Variants in PTPN4 observed in about 807,000 individuals in gnomAD.
PTPN4 encodes protein tyrosine phosphatase non-receptor type 4.
A neutral mutation model predicts 135.5 loss-of-function variants in PTPN4; 49 were observed. That is an observed-to-expected ratio of 0.36 (90% CI 0.29 to 0.46). The LOEUF (loss-of-function observed/expected upper bound fraction) is 0.46. Ranked by LOEUF, PTPN4 falls within the 20% of genes least tolerant of loss-of-function variation. PTPN4 has a pLI of 1.00. For synonymous variants in PTPN4, 333 were observed against 369.9 expected (o/e 0.90, Z 1.14); for missense variants, 860 against 1,101.0 (o/e 0.78, Z 3.10).
rs989973019 is a variant in PTPN4, at chr2:119,877,188, A to G, written c.247-135A>G. The G allele has an allele frequency of 6.3e-6, 5 of 789,688 alleles. No homozygotes were observed. The Admixed American group carries it at 9.8e-5, about 16-fold the overall frequency. The allele number at this position is 789,688 out of a possible 1,614,324, so 48.9% of individuals were successfully genotyped here. The stretch of plus-strand genomic sequence containing the variant: ...TATGAAAAATATTGTCTGTAATGCA[A>G]TGATTTTTTTCCTACCTGGGCCTTT... On this transcript the variant is annotated intron_variant, in intron 3 of 26. Transcript: ENST00000263708.
Position 119,862,516 on chromosome 2 carries a change from A to G in PTPN4, c.139-20A>G. On this transcript the variant is annotated intron_variant, in intron 2 of 26. Transcript: ENST00000263708. ...AACCTATCAAAGTTGATTTCATTCA[A>G]TTTTTTTTTTTTTTTACAGAAACAT... 3 of 1,357,682 alleles carry G rather than the reference A, an allele frequency of 2.2e-6. No homozygotes were observed. Among genetic ancestry groups the G allele is most frequent in the South Asian group, 2.6e-5 (2 of 77,910 alleles). 84.1% of individuals were successfully genotyped at this position (1,357,682 alleles called of 1,614,324 possible). A position where few individuals can be genotyped will look rare whatever the true frequency, so the allele number is the denominator to read the frequency against.
chr2:119,767,959 A>G (rs1250755435), intron 1 of PTPN4, among the ~76,000 whole-genome samples: 1 of 152,202 alleles, frequency 6.6e-6, no homozygotes, highest in Non-Finnish European at 1.5e-5. Flanking sequence ...ATAGAGCTGA[A>G]GGCTGTAACC....
At chr2:119,826,769 T>A (rs1231345921) in intron 2 of PTPN4, among the ~76,000 whole-genome samples, 2 of 152,234 alleles carry the variant, frequency 1.3e-5, no homozygotes, top group African/African-American at 2.4e-5. Context: ...CTCACGCTTG[T>A]AATCCCAGTG....
intron 25 of PTPN4, among the ~76,000 whole-genome samples, chr2:119,966,602 A>G (rs760396375): frequency 2.8e-4 from 42 of 152,190 alleles, no homozygotes; most frequent in Non-Finnish European, 5.7e-4. Context: ...AAGTTTTAAC[A>G]TAGGAATTTT....
chr2:119,769,165 A>G (rs1439671605), intron 1 of PTPN4, among the ~76,000 whole-genome samples: 1 of 152,234 alleles, frequency 6.6e-6, no homozygotes, highest in Admixed American at 6.5e-5. Context: ...TCAAGAAGCC[A>G]GTGAAGAAGA....
At chr2:119,962,797 TGAAAG>T (rs1679388179) in intron 24 of PTPN4, 53 bp downstream of exon 24, 5 of 1,319,140 alleles carry the variant, frequency 3.8e-6, no homozygotes. Flanking sequence ...GGGTAAAGAC[TGAAAG>T]CTGAAAATGT....
chr2:119,861,547 A>G (rs1252730483), intron 2 of PTPN4, among the ~76,000 whole-genome samples: 1 of 152,194 alleles, frequency 6.6e-6, no homozygotes, highest in African/African-American at 2.4e-5. Context: ...AGTAGTTGAT[A>G]TTGTTATTGC....
At chr2:119,864,305 G>C in intron 3 of PTPN4, among the ~76,000 whole-genome samples, 1 of 152,076 alleles carries the variant, frequency 6.6e-6, no homozygotes, top group East Asian at 1.9e-4. Flanking sequence ...TGTGACTGCT[G>C]TTACTTTTTA....
intron 1 of PTPN4, among the ~76,000 whole-genome samples, chr2:119,776,527 T>C (rs1240290335): frequency 1.3e-5 from 2 of 152,306 alleles, no homozygotes; most frequent in African/African-American, 4.8e-5. Context: ...GAAATTACTA[T>C]GTATTTCTGT....
chr2:119,948,700 A>T (rs538991938), intron 18 of PTPN4, among the ~76,000 whole-genome samples: 1 of 152,316 alleles, frequency 6.6e-6, no homozygotes, highest in Admixed American at 6.5e-5. Flanking sequence ...AGTTGGGGAA[A>T]CAAGTTATAT....
chr2:119,760,857 A>C (rs1394280130), intron 1 of PTPN4, among the ~76,000 whole-genome samples: 1 of 124,322 alleles, frequency 8.0e-6, no homozygotes, highest in Non-Finnish European at 1.6e-5. Flanking sequence ...GTATTTGGGA[A>C]TCTGTAGTTG....
At chr2:119,932,860 G>C (rs1294165858) in intron 14 of PTPN4, among the ~76,000 whole-genome samples, 3 of 152,100 alleles carry the variant, frequency 2.0e-5, no homozygotes, top group Non-Finnish European at 4.4e-5. Flanking sequence ...ATCTTGTATG[G>C]TTGTTGTTGA....
intron 3 of PTPN4, among the ~76,000 whole-genome samples, chr2:119,864,021 G>A (rs1677796563): frequency 6.6e-6 from 1 of 152,118 alleles, no homozygotes; most frequent in African/African-American, 2.4e-5. Flanking sequence ...CTCAGCCCAG[G>A]ATACACTTGC....
intron 9 of PTPN4, among the ~76,000 whole-genome samples, chr2:119,895,873 C>T (rs960103716): frequency 1.6e-4 from 24 of 150,532 alleles, no homozygotes; most frequent in Non-Finnish European, 2.7e-4. Context: ...GCCGAGATGG[C>T]GCCACTGCAC....
chr2:119,845,337 AC>A (rs1159287282), intron 2 of PTPN4, among the ~76,000 whole-genome samples: 1 of 151,416 alleles, frequency 6.6e-6, no homozygotes, highest in Non-Finnish European at 1.5e-5. Flanking sequence ...CTTTAAATTC[AC>A]CAGGGAAACC....
At chr2:119,862,460 A>C (rs892432145) in intron 2 of PTPN4, 76 bp from the exon 3 acceptor site, 10 of 1,380,720 alleles carry the variant, frequency 7.2e-6, no homozygotes, top group Non-Finnish European at 9.0e-6. Context: ...TGAGGACAAA[A>C]GTCAACCAGG....
chr2:119,845,186 G>A (rs899698035), intron 2 of PTPN4, among the ~76,000 whole-genome samples: 3 of 141,652 alleles, frequency 2.1e-5, no homozygotes, highest in Admixed American at 7.1e-5. Context: ...AGCCGAGATG[G>A]CAGCAGTACA....
At chr2:119,846,255 T>C (rs1677497295) in intron 2 of PTPN4, among the ~76,000 whole-genome samples, 1 of 152,218 alleles carries the variant, frequency 6.6e-6, no homozygotes, top group African/African-American at 2.4e-5. Context: ...TGCTGATCTC[T>C]GCCTTGTTGT....
At chr2:119,833,953 C>A (rs1261838845) in intron 2 of PTPN4, among the ~76,000 whole-genome samples, 2 of 152,212 alleles carry the variant, frequency 1.3e-5, no homozygotes, top group Admixed American at 1.3e-4. Context: ...CCAAGGCCTG[C>A]ACATTTTTCC....
Sources: gnomAD v4.1 joint callset for allele counts (sites outside exome capture counted in the v4.1 genomes callset) on GRCh38, gnomAD v4.1.1 for gene constraint, MANE v1.5 for transcripts, NCBI Gene and HGNC (gene_info 2026-07-23, HGNC 2026-07-21) for gene names.